Variants in CES5A observed in about 807,000 individuals in gnomAD.
The protein encoded by CES5A is carboxylesterase 5.
CES5A carries 67 observed loss-of-function variants against 62.9 expected under a neutral mutation model. That is an observed-to-expected ratio of 1.07 (90% CI 0.88 to 1.31). CES5A has a LOEUF of 1.31. Ranked by LOEUF, CES5A falls within the 50% of genes most tolerant of loss-of-function variation. The probability of loss-of-function intolerance (pLI) is 0.00; values close to 1 mark genes in which losing one functional copy is unlikely to be tolerated. For synonymous variants in CES5A, 296 were observed against 280.8 expected, an observed-to-expected ratio of 1.05 and a Z score of -0.54; for missense variants, 748 against 708.5, an observed-to-expected ratio of 1.06 and a Z score of -0.63.
chr16:55,919,997 A>G (rs1231773853), intron 1 of CES5A, among the ~76,000 whole-genome samples: 7 of 152,200 alleles, frequency 4.6e-5, no homozygotes, highest in Non-Finnish European at 1.5e-5. Flanking sequence ...AAATGGTAGC[A>G]CAGAAGCAAG....
At chr16:55,947,304 G>A (rs762525589) in intron 2 of CES5A, among the ~76,000 whole-genome samples, 2 of 152,266 alleles carry the variant, frequency 1.3e-5, no homozygotes, top group South Asian at 2.1e-4. Flanking sequence ...AGCCTGATAC[G>A]AAAAGGGGCT....
intron 1 of CES5A, among the ~76,000 whole-genome samples, chr16:55,891,856 C>T (rs749239582): frequency 7.9e-5 from 12 of 152,080 alleles, no homozygotes; most frequent in South Asian, 6.2e-4. Flanking sequence ...CTGACTCTAG[C>T]GTAACATACG....
intron 1 of CES5A, among the ~76,000 whole-genome samples, chr16:55,883,284 T>A (rs77724363): frequency 0.02 from 2,999 of 152,264 alleles, 100 homozygotes; most frequent in African/African-American, 0.068. Context: ...TGTTTTGTTT[T>A]GTTTCGTTTT....
chr16:55,876,454 A>G (rs1369710196), upstream of CES5A, among the ~76,000 whole-genome samples: 1 of 152,198 alleles, frequency 6.6e-6, no homozygotes, highest in African/African-American at 2.4e-5. Context: ...AAAGTAAGAC[A>G]AACAGGAAAA....
At chr16:55,881,614 C>T (rs2033762753) in intron 1 of CES5A, among the ~76,000 whole-genome samples, 1 of 152,058 alleles carries the variant, frequency 6.6e-6, no homozygotes, top group Admixed American at 6.6e-5. Context: ...ATTCGAATGG[C>T]CAAGTATTGA....
Position 55,863,421 on chromosome 16 carries a change from T to C in CES5A, c.737A>G (p.His246Arg). Residue 246 changes from histidine (H) to arginine (R), a missense_variant, in exon 6 of 13, where the codon CAC becomes CGC. His to Arg is a conservative substitution (Grantham distance 29). Transcript: ENST00000290567. Reference sequence around the variant, plus strand: ...CACCCCACTCTCCATGATGGCTTTGTGGAATAAGCCTTTGGCCATGGGAGA... The same window carrying C: ...CACCCCACTCTCCATGATGGCTTTGCGGAATAAGCCTTTGGCCATGGGAGA... ...ILSPMAKGLFHKAIMESGVAI... is the reference protein window; with the variant it reads ...ILSPMAKGLFRKAIMESGVAI... 1 of 1,608,024 alleles carries C rather than the reference T, an allele frequency of 6.2e-7. No homozygotes were observed. The highest frequency in any genetic ancestry group is 1.1e-5 in the South Asian group (1 of 90,882).
In CES5A at chr16:55,846,686, G is replaced by C. The variant is rs758428745; in HGVS notation, c.1497-4C>G. On this transcript the variant is annotated splice_region_variant and splice_polypyrimidine_tract_variant and intron_variant, in intron 12 of 12. Coordinates refer to ENST00000290567, the MANE Select transcript of CES5A (RefSeq NM_001143685.2). ...CAGGTCGTTCCCATTAGGATTCCTAGAAGGGAGAGCAGAAACAGGGGTGAG... is the reference window on the plus strand; with the variant it reads ...CAGGTCGTTCCCATTAGGATTCCTACAAGGGAGAGCAGAAACAGGGGTGAG... The C allele has an allele frequency of 3.1e-6, 5 of 1,613,596 alleles. No homozygotes were observed. The highest frequency in any genetic ancestry group is 4.2e-6 in the Non-Finnish European group (5 of 1,179,546).
chr16:55,894,571 G>A (rs1478409356), intron 1 of CES5A, among the ~76,000 whole-genome samples: 3 of 150,964 alleles, frequency 2.0e-5, no homozygotes, highest in South Asian at 2.1e-4. Context: ...GGGTGACATC[G>A]AAGAAAATGA....
In CES5A at chr16:55,866,108, T is replaced by C. The variant is rs201133431; in HGVS notation, c.560A>G (p.Asp187Gly). ...LGIFGFFTTW[D>G]QHAPGNWAFK... Reference sequence around the variant, plus strand: ...GGCCCAGTTCCCCGGAGCATGCTGATCCCATGTGCTGAGGACAAGAGGCAG... The same window carrying C: ...GGCCCAGTTCCCCGGAGCATGCTGACCCCATGTGCTGAGGACAAGAGGCAG... The change falls in exon 5 of 13, where the codon GAT (aspartate) becomes GGT (glycine). Residue 187 changes from aspartate (D) to glycine (G), a missense_variant. Coordinates refer to ENST00000290567, the MANE Select transcript of CES5A (RefSeq NM_001143685.2). 14 of 1,612,214 alleles carry C rather than the reference T, an allele frequency of 8.7e-6. No individual in the cohort carries two copies. Among genetic ancestry groups the C allele is most frequent in the Admixed American group, 6.7e-5 (4 of 59,852 alleles).
rs2034420575 is a variant in CES5A at position 55,939,187 on chromosome 16, C to T, written c.160+10598G>A. 2.0e-5 allele frequency among the ~76,000 whole-genome samples: 3 copies of T among 152,134 alleles called. No individual in the cohort carries two copies. The South Asian group carries it at 6.2e-4, about 32-fold the overall frequency. Reference sequence around the variant, plus strand: ...AGAGAAATTCTGTTTCCTACTAGTTCCCACAAAAGTATCAGAAATGACCCT... The same window carrying T: ...AGAGAAATTCTGTTTCCTACTAGTTTCCACAAAAGTATCAGAAATGACCCT... On this transcript the variant is annotated intron_variant, in intron 2 of 13. Transcript: ENST00000521992.
Position 55,875,198 on chromosome 16 carries a change from T to A in CES5A, c.24A>T (p.Pro8=). 1 of 1,613,984 alleles carries A rather than the reference T, an allele frequency of 6.2e-7. No homozygotes were observed. The highest frequency in any genetic ancestry group is 8.5e-7 in the Non-Finnish European group (1 of 1,179,934). The change falls in exon 1 of 13, where the codon CCA becomes CCT. Residue 8 remains proline, a synonymous_variant. Transcript: ENST00000290567. MSGNWVH[P]GQILIWAIWV... ...AGATAGCCCAAATTAGGATCTGGCC[T>A]GGGTGCACCCAATTCCCACTCATTT...
chr16:55,940,189 G>A (rs565505275), intron 2 of CES5A, among the ~76,000 whole-genome samples: 5 of 152,164 alleles, frequency 3.3e-5, no homozygotes, highest in Admixed American at 2.0e-4. Flanking sequence ...AGCAGTAAAA[G>A]TAATGCAGAA....
intron 1 of CES5A, among the ~76,000 whole-genome samples, chr16:55,900,090 AC>A (rs112236550): frequency 5.9e-5 from 9 of 151,572 alleles, no homozygotes; most frequent in East Asian, 3.9e-4. Flanking sequence ...CTGAATGCAG[AC>A]CCCCCTTCAT....
At position 55,861,499 on chromosome 16, in the gene CES5A, A is replaced by C; in HGVS notation, c.828T>G (p.His276Gln). ...EKSEDLQVVA[H>Q]FCGNNASDSE... Reference sequence around the variant, plus strand: ...AGTCTGACGCATTGTTACCACAGAAATGTGCAACCACCTGCAGCTATTTTG... The same window carrying C: ...AGTCTGACGCATTGTTACCACAGAACTGTGCAACCACCTGCAGCTATTTTG... Residue 276 changes from histidine to glutamine, a missense_variant, in exon 7 of 13, where the codon CAT (histidine) becomes CAG (glutamine). Coordinates refer to ENST00000290567, the MANE Select transcript of CES5A (RefSeq NM_001143685.2). The C allele has an allele frequency of 6.2e-7, 1 of 1,612,528 alleles. No individual in the cohort carries two copies. The highest frequency in any genetic ancestry group is 8.5e-7 in the Non-Finnish European group (1 of 1,178,518).
chr16:55,873,974 G>T lies in CES5A; in HGVS notation c.137C>A (p.Thr46Asn). 2 of 1,612,906 alleles carry T rather than the reference G, an allele frequency of 1.2e-6. No homozygotes were observed. Among genetic ancestry groups the T allele is most frequent in the Non-Finnish European group, 1.7e-6 (2 of 1,179,710 alleles). Residue 46 changes from threonine (T) to asparagine (N), a missense_variant, in exon 2 of 13, where the codon ACT (threonine) becomes AAT (asparagine). Coordinates refer to ENST00000290567, the MANE Select transcript of CES5A (RefSeq NM_001143685.2). ...RLGWIQGKQV[T>N]VLGSPVPVNV... ...CACAGGCACAGGGCTTCCCAGCACAGTGACTTGCTTGCCCTGAATCCATCC... is the reference window on the plus strand; with the variant it reads ...CACAGGCACAGGGCTTCCCAGCACATTGACTTGCTTGCCCTGAATCCATCC...
chr16:55,913,320 A>T (rs2034114103), intron 1 of CES5A, among the ~76,000 whole-genome samples: 2 of 152,120 alleles, frequency 1.3e-5, no homozygotes, highest in Non-Finnish European at 2.9e-5. Flanking sequence ...CAGCTGATCC[A>T]TGGAGTGCAG....
At chr16:55,933,688 T>C (rs2034337243) in intron 2 of CES5A, among the ~76,000 whole-genome samples, 1 of 152,130 alleles carries the variant, frequency 6.6e-6, no homozygotes, top group Non-Finnish European at 1.5e-5. Context: ...TATACACATA[T>C]CTAGAATCTG....
At position 55,874,025 on chromosome 16, in the gene CES5A, T is replaced by C. The variant is rs371591112; in HGVS notation, c.86A>G (p.Glu29Gly). ...CAGCCTGGTGTTCCTCTGTGGCCCT[T>C]CAGCAGAAGGCCCTGCGGGAACACA... ...LAAPTKGPSA[E>G]GPQRNTRLGW... The change falls in exon 2 of 13, where the codon GAA (glutamate) becomes GGA (glycine). Residue 29 changes from glutamate (E) to glycine (G), a missense_variant. By Grantham distance (98) the Glu-to-Gly change is moderately conservative. Coordinates refer to ENST00000290567, the MANE Select transcript of CES5A (RefSeq NM_001143685.2). The C allele has an allele frequency of 6.5e-5, 104 of 1,605,072 alleles. No individual in the cohort carries two copies. The highest frequency in any genetic ancestry group is 8.6e-5 in the Non-Finnish European group (101 of 1,176,518).
intron 1 of CES5A, among the ~76,000 whole-genome samples, chr16:55,912,559 T>C (rs984875617): frequency 6.8e-6 from 1 of 146,458 alleles, no homozygotes; most frequent in South Asian, 2.2e-4. Flanking sequence ...GAGAATGAGA[T>C]GGATGAGGAC....
Sources: gnomAD v4.1 joint callset for allele counts (sites outside exome capture counted in the v4.1 genomes callset) on GRCh38, gnomAD v4.1.1 for gene constraint, MANE v1.5 for transcripts, NCBI Gene and HGNC (gene_info 2026-07-23, HGNC 2026-07-21) for gene names.